The following ARHGAP20 variants were observed in gnomAD, a reference collection of about 807,000 sequenced individuals.
The protein encoded by ARHGAP20 is rho GTPase-activating protein 20.
A neutral mutation model predicts 73.7 loss-of-function variants in ARHGAP20; 34 were observed. The observed-to-expected ratio is 0.46, with a 90% CI of 0.35 to 0.61. ARHGAP20 has a LOEUF of 0.61. Ranked by LOEUF, ARHGAP20 falls within the 20% of genes least tolerant of loss-of-function variation. The pLI is 0.00. For synonymous variants in ARHGAP20, 523 were observed against 518.2 expected (o/e 1.01, Z -0.13); for missense variants, 1,314 against 1,420.9 (o/e 0.92, Z 1.21).
At chr11:110,647,605 A>G (rs1168332301) in intron 2 of ARHGAP20, among the ~76,000 whole-genome samples, 1 of 152,086 alleles carries the variant, frequency 6.6e-6, no homozygotes, top group Non-Finnish European at 1.5e-5. Context: ...TTTTTATGCA[A>G]AGGCACTAAC....
In ARHGAP20 at chr11:110,630,733, T is replaced by C. The variant is rs774503312; in HGVS notation, c.248A>G (p.Asn83Ser). The part of the protein sequence containing the change: ...CTFLSSLVCS[N>S]RTLLIDGRAE... Reference sequence around the variant, plus strand: ...CCGGCCATCAATCAGCAGAGTCCTATTGGAGCACACTAATGATGACAGAAA... The same window carrying C: ...CCGGCCATCAATCAGCAGAGTCCTACTGGAGCACACTAATGATGACAGAAA... The change falls in exon 3 of 15, where the codon AAT becomes AGT. Residue 83 changes from asparagine (N) to serine (S), a missense_variant. Physicochemically the swap from Asn to Ser is conservative, Grantham distance 46 (BLOSUM62 1). This residue lies in a region of ARHGAP20 where 443 missense variants were observed against 466.4 expected (regional missense o/e 0.95). Coordinates refer to ENST00000683387, the MANE Select transcript of ARHGAP20 (RefSeq NM_001384657.1). 17 of 1,614,122 alleles carry C rather than the reference T, an allele frequency of 1.1e-5. No homozygotes were observed. Among genetic ancestry groups the C allele is most frequent in the Admixed American group, 1.7e-5 (1 of 60,010 alleles).
chr11:110,620,382 C>T (rs565807557), intron 4 of ARHGAP20, among the ~76,000 whole-genome samples: 2 of 152,140 alleles, frequency 1.3e-5, no homozygotes, highest in Non-Finnish European at 2.9e-5. Flanking sequence ...AACTCCCCCC[C>T]TCAAGTGATC....
At chr11:110,703,689 A>T (rs1591194023) in intron 1 of ARHGAP20, among the ~76,000 whole-genome samples, 1 of 152,072 alleles carries the variant, frequency 6.6e-6, no homozygotes, top group East Asian at 1.9e-4. Flanking sequence ...CTCCATCCCC[A>T]CACATGCAGG....
In ARHGAP20 at chr11:110,692,789, G is replaced by A. The variant is rs545655677; in HGVS notation, c.106-2160C>T. 6.6e-5 allele frequency among the ~76,000 whole-genome samples: 10 copies of A among 152,148 alleles called. No individual in the cohort carries two copies. The South Asian group carries it at 1.9e-3, about 28-fold the overall frequency. ...AATTAATGCAGAACTATAATGTGGA[G>A]GAAAGTTAGCATCTTCCAAGGAAGA... On this transcript the variant is annotated intron_variant, in intron 1 of 14. Transcript: ENST00000683387.
chr11:110,580,154 G>T lies in ARHGAP20; in HGVS notation c.2792C>A (p.Pro931Gln). 6.2e-7 allele frequency: 1 copy of T among 1,614,186 alleles called. No homozygotes were observed. Residue 931 changes from proline (P) to glutamine (Q), a missense_variant, in exon 15 of 15, where the codon CCA (proline) becomes CAA (glutamine). By Grantham distance (76) the Pro-to-Gln change is moderately conservative. Coordinates refer to ENST00000683387, the MANE Select transcript of ARHGAP20 (RefSeq NM_001384657.1). ...GGATAAGCTGGAATAGCTGGTCCTT[G>T]GGCAAAGGTTTAATCTTGGGGGTAA... Reference protein sequence around the residue: ...KVLPPRLNLCPRTSYSSLSSP... With the variant: ...KVLPPRLNLCQRTSYSSLSSP...
rs142996903 is a variant in ARHGAP20, at chr11:110,590,717, C to T, written c.1236G>A (p.Glu412=). 371 of 1,613,980 alleles carry T rather than the reference C, an allele frequency of 2.3e-4. No homozygotes were observed. The highest frequency in any genetic ancestry group is 3.0e-4 in the Non-Finnish European group (352 of 1,179,998). The part of the protein sequence containing the change: ...ANVKSCRELK[E]KLNSGVEVHL... The stretch of plus-strand genomic sequence containing the variant: ...GTACTTCGACTCCAGAATTCAATTT[C>T]TCTTTTAGTTCTCTGCAGGATTTCA... Residue 412 remains glutamate (E), a synonymous_variant, in exon 11 of 15, where the codon GAG becomes GAA. Transcript: ENST00000683387.
intron 14 of ARHGAP20, among the ~76,000 whole-genome samples, chr11:110,581,656 A>G (rs1452044626): frequency 6.6e-6 from 1 of 152,168 alleles, no homozygotes; most frequent in African/African-American, 2.4e-5. Context: ...CTTAATATCC[A>G]TTACCTTATT....
chr11:110,618,358 C>T (rs561459690), intron 4 of ARHGAP20, among the ~76,000 whole-genome samples: 18 of 152,272 alleles, frequency 1.2e-4, no homozygotes, highest in Non-Finnish European at 2.1e-4. Context: ...TAAATAAACA[C>T]GCATACCTGA....
At chr11:110,604,482 T>C (rs1948177955) in intron 9 of ARHGAP20, among the ~76,000 whole-genome samples, 1 of 152,130 alleles carries the variant, frequency 6.6e-6, no homozygotes, top group South Asian at 2.1e-4. Context: ...CTGATTATTA[T>C]AAAATAAAAT....
At position 110,583,644 on chromosome 11, in the gene ARHGAP20, C is replaced by A; in HGVS notation, c.1509G>T (p.Gln503His). Reference protein sequence around the residue: ...HNIEQHSSSNQMTAFNLAVCV... With the variant: ...HNIEQHSSSNHMTAFNLAVCV... ...ACACAGCTAAATTAAATGCAGTCATCTGATTGGATGAGGAATGTTGCTCAA... is the reference window on the plus strand; with the variant it reads ...ACACAGCTAAATTAAATGCAGTCATATGATTGGATGAGGAATGTTGCTCAA... Residue 503 changes from glutamine to histidine, a missense_variant, in exon 13 of 15, where the codon CAG (glutamine) becomes CAT (histidine). Physicochemically the swap from Gln to His is conservative, Grantham distance 24. Around this residue, in one of 3 missense-constraint regions of ARHGAP20, gnomAD observed 230 missense variants for 317.6 expected, o/e 0.72. Coordinates refer to ENST00000683387, the MANE Select transcript of ARHGAP20 (RefSeq NM_001384657.1). 1 of 1,613,280 alleles carries A rather than the reference C, an allele frequency of 6.2e-7. No individual in the cohort carries two copies. The highest frequency in any genetic ancestry group is 8.5e-7 in the Non-Finnish European group (1 of 1,179,518).
intron 9 of ARHGAP20, among the ~76,000 whole-genome samples, chr11:110,596,359 C>G (rs1472018327): frequency 1.3e-5 from 2 of 149,946 alleles, no homozygotes; most frequent in African/African-American, 5.0e-5. Context: ...GAACAGGCAA[C>G]CTACAAAATG....
Position 110,577,294 on chromosome 11 carries a change from AGTCT to A in ARHGAP20, c.*2072_*2075del. On this transcript the variant is annotated 3_prime_UTR_variant, in exon 15 of 15. Coordinates refer to ENST00000683387, the MANE Select transcript of ARHGAP20 (RefSeq NM_001384657.1). ...GATGGAGTATAATAAAATGACATAT[AGTCT>A]GTCTTCAAATCATACAATATAATAC... is the stretch of plus-strand genomic sequence containing the variant. The A allele has an allele frequency of 7.3e-7, 1 of 1,371,130 alleles. No homozygotes were observed. The allele number at this position is 1,371,130 out of a possible 1,614,324, so 84.9% of individuals were successfully genotyped here.
rs77710915 is a variant in ARHGAP20, at chr11:110,630,245, T to C, written c.353+383A>G. On this transcript the variant is annotated intron_variant, in intron 3 of 14. Coordinates refer to ENST00000683387, the MANE Select transcript of ARHGAP20 (RefSeq NM_001384657.1). ...CCCCTGACTACACCTACCTAACATA[T>C]ATGCCATCTTTTACTTCACCCAGCA... Among the ~76,000 whole-genome samples the C allele has an allele frequency of 1.9e-4, 29 of 152,256 alleles. No individual in the cohort carries two copies. In the East Asian group the frequency reaches 4.8e-3, roughly 25 times the overall value.
intron 11 of ARHGAP20, among the ~76,000 whole-genome samples, chr11:110,588,933 G>T (rs997564396): frequency 6.6e-6 from 1 of 152,038 alleles, no homozygotes; most frequent in African/African-American, 2.4e-5. Flanking sequence ...TTTGCCAGGC[G>T]TGGTGTCGGG....
intron 11 of ARHGAP20, among the ~76,000 whole-genome samples, chr11:110,588,460 CAA>C (rs1159376022): frequency 6.6e-6 from 1 of 152,138 alleles, no homozygotes; most frequent in African/African-American, 2.4e-5. Context: ...AGTACCACTT[CAA>C]AACAGATTCA....
chr11:110,623,128 A>C (rs982168303), intron 4 of ARHGAP20, among the ~76,000 whole-genome samples: 22 of 152,094 alleles, frequency 1.4e-4, no homozygotes, highest in Non-Finnish European at 2.9e-4. Flanking sequence ...TTTCCAAATC[A>C]GTTCTTAAAA....
At chr11:110,699,260 T>C (rs1950397259) in intron 1 of ARHGAP20, among the ~76,000 whole-genome samples, 1 of 151,890 alleles carries the variant, frequency 6.6e-6, no homozygotes, top group Non-Finnish European at 1.5e-5. Context: ...TCCACTGTGG[T>C]CCGAGAAGAT....
chr11:110,610,086 T>C (rs1948330488), intron 7 of ARHGAP20, among the ~76,000 whole-genome samples: 1 of 152,168 alleles, frequency 6.6e-6, no homozygotes, highest in African/African-American at 2.4e-5. Context: ...GAATGAATCA[T>C]GTCAGTAATT....
At chr11:110,669,151 A>C (rs1387291802) in intron 2 of ARHGAP20, among the ~76,000 whole-genome samples, 1 of 152,174 alleles carries the variant, frequency 6.6e-6, no homozygotes, top group African/African-American at 2.4e-5. Flanking sequence ...CTCTTTGAAA[A>C]ACATTGTTAT....
Sources: gnomAD v4.1 joint callset for allele counts (sites outside exome capture counted in the v4.1 genomes callset) on GRCh38, gnomAD v4.1.1 for gene constraint, gnomAD v4.1.1 regional missense constraint, MANE v1.5 for transcripts, NCBI Gene and HGNC (gene_info 2026-07-23, HGNC 2026-07-21) for gene names.